The following NTN5 variants were observed in gnomAD, a reference collection of about 807,000 sequenced individuals.
The protein encoded by NTN5 is netrin 5.
A neutral mutation model predicts 38.7 loss-of-function variants in NTN5; 42 were observed. That is an observed-to-expected ratio of 1.08 (90% confidence interval 0.85 to 1.40). NTN5 has a LOEUF of 1.40. NTN5 is among the 40% of genes most tolerant of loss of function. The pLI is 0.00. For synonymous variants in NTN5, 329 were observed against 303.9 expected (o/e 1.08, Z -0.86); for missense variants, 658 against 716.5 (o/e 0.92, Z 0.93).
Position 48,664,204 on chromosome 19 carries a change from C to T in NTN5, c.909G>A (p.Leu303=). 6.2e-7 allele frequency: 1 copy of T among 1,610,998 alleles called. No homozygotes were observed. The highest frequency in any genetic ancestry group is 8.5e-7 in the Non-Finnish European group (1 of 1,178,740). ...AGCCAGGGCCACAGCGGTTGCAGGTCAGGCCTGTGACCCCTAACTTGCAGG... is the reference window on the plus strand; with the variant it reads ...AGCCAGGGCCACAGCGGTTGCAGGTTAGGCCTGTGACCCCTAACTTGCAGG... ...QCTCKLGVTG[L]TCNRCGPGYQ... is the part of the protein sequence containing the mutation. Residue 303 remains leucine, a synonymous_variant, in exon 4 of 7, where the codon CTG becomes CTA. Transcript: ENST00000270235.
chr19:48,663,147 G>A, intron 6 of NTN5: 1 of 501,644 alleles, frequency 2.0e-6, no homozygotes, highest in East Asian at 5.4e-5. Context: ...GGAGGACAGG[G>A]CAAGAGTTCA....
At chr19:48,667,563 T>G (rs943178158) in intron 2 of NTN5, 13 of 169,834 alleles carry the variant, frequency 7.7e-5, no homozygotes, top group Non-Finnish European at 1.6e-4. Context: ...TATGAAGAAA[T>G]AGAGGGGCAG....
intron 2 of NTN5, among the ~76,000 whole-genome samples, chr19:48,670,124 G>T (rs1314944512): frequency 6.6e-6 from 1 of 151,080 alleles, no homozygotes; most frequent in African/African-American, 2.4e-5. Context: ...ATCATCACAG[G>T]CTGATGAGTG....
intron 2 of NTN5, among the ~76,000 whole-genome samples, chr19:48,669,736 CCAT>C (rs1601212982): frequency 4.8e-5 from 6 of 123,776 alleles, no homozygotes; most frequent in South Asian, 5.8e-4. Context: ...ACCACCATCA[CCAT>C]CACCACCACC....
intron 2 of NTN5, among the ~76,000 whole-genome samples, chr19:48,666,052 G>A (rs1394141540): frequency 1.3e-5 from 2 of 152,224 alleles, no homozygotes; most frequent in Admixed American, 6.5e-5. Context: ...GCATTCGTAC[G>A]TGCAGGACAC....
In NTN5 at chr19:48,661,592, T is replaced by G; in HGVS notation, c.*85A>C. On this transcript the variant is annotated 3_prime_UTR_variant, in exon 7 of 7. Coordinates refer to ENST00000270235, the MANE Select transcript of NTN5 (RefSeq NM_145807.4). The stretch of plus-strand genomic sequence containing the variant: ...GCTCTGCGACGTCTGATTGGCTCTC[T>G]GCAGTGCACCGTCGAGGTAGAAGGC... 2 of 1,361,800 alleles carry G rather than the reference T, an allele frequency of 1.5e-6. No individual in the cohort carries two copies. The highest frequency in any genetic ancestry group is 1.9e-6 in the Non-Finnish European group (2 of 1,050,700). The allele number at this position is 1,361,800 out of a possible 1,614,324, so 84.4% of individuals were successfully genotyped here. A position where few individuals can be genotyped will look rare whatever the true frequency, so the allele number is the denominator to read the frequency against.
chr19:48,672,306 A>G lies in NTN5; in HGVS notation c.-21+626T>C, dbSNP rs540657761. On this transcript the variant is annotated intron_variant, in intron 1 of 6. Coordinates refer to ENST00000270235, the MANE Select transcript of NTN5 (RefSeq NM_145807.4). Reference sequence around the variant, plus strand: ...TGAAATGCCCCCACTTTCCCCTTCCAGGGCCAGCAGCCTCTGGTGAGGAGC... The same window carrying G: ...TGAAATGCCCCCACTTTCCCCTTCCGGGGCCAGCAGCCTCTGGTGAGGAGC... 1.8e-3 allele frequency among the ~76,000 whole-genome samples: 267 copies of G among 152,274 alleles called. 1 individual carries two copies. The highest frequency in any genetic ancestry group is 3.2e-3 in the Non-Finnish European group (215 of 67,988).
intron 6 of NTN5, chr19:48,663,024 G>A (rs765631614): frequency 2.5e-5 from 9 of 357,234 alleles, no homozygotes; most frequent in Non-Finnish European, 4.4e-5. Flanking sequence ...CAAGGTCATG[G>A]AGCAGGTGTG....
Position 48,670,799 on chromosome 19 carries a change from C to T in NTN5, c.188G>A (p.Gly63Asp), listed in dbSNP as rs768684280. 5 of 1,613,128 alleles carry T rather than the reference C, an allele frequency of 3.1e-6. No homozygotes were observed. The Admixed American group carries it at 8.3e-5, about 27-fold the overall frequency. ...NHLGARETCN[G>D]SLTLALGGPF... is the part of the protein sequence containing the mutation. ...GCCACCCAGGGCCAAAGTCAGGCTG[C>T]CATTGCAGGTTTCCCTGGCGCCAAG... Residue 63 changes from glycine (G) to aspartate (D), a missense_variant, in exon 2 of 7, where the codon GGC (glycine) becomes GAC (aspartate). Gly to Asp is a moderately conservative substitution (Grantham distance 94). Coordinates refer to ENST00000270235, the MANE Select transcript of NTN5 (RefSeq NM_145807.4).
rs917532428 is a variant in NTN5, at chr19:48,670,401, A to C, written c.586T>G (p.Trp196Gly). 1.4e-6 allele frequency: 2 copies of C among 1,425,846 alleles called. No homozygotes were observed. The highest frequency in any genetic ancestry group is 3.2e-5 in the Admixed American group (1 of 31,550). 88.3% of individuals were successfully genotyped at this position (1,425,846 alleles called of 1,614,324 possible). Residue 196 changes from tryptophan to glycine, a missense_variant, in exon 2 of 7, where the codon TGG (tryptophan) becomes GGG (glycine). Coordinates refer to ENST00000270235, the MANE Select transcript of NTN5 (RefSeq NM_145807.4). The part of the protein sequence containing the change: ...CESCRPSHRD[W>G]PWRPATPRHP... ...CGGGGCGTGGCAGGCCGCCAGGGCCAGTCTCGATGGGACGGGCGGCAGCTC... is the reference window on the plus strand; with the variant it reads ...CGGGGCGTGGCAGGCCGCCAGGGCCCGTCTCGATGGGACGGGCGGCAGCTC...
chr19:48,666,319 T>G (rs2031702929), intron 2 of NTN5, among the ~76,000 whole-genome samples: 1 of 152,178 alleles, frequency 6.6e-6, no homozygotes, highest in East Asian at 1.9e-4. Context: ...TTAAGGTGGC[T>G]CTCAAACCTT....
chr19:48,669,960 CCAT>C (rs71179031), intron 2 of NTN5, among the ~76,000 whole-genome samples: 7 of 114,728 alleles, frequency 6.1e-5, no homozygotes, highest in East Asian at 4.0e-4. Context: ...ACCACCATCA[CCAT>C]CACCACCATC....
At chr19:48,663,857 C>T in intron 4 of NTN5, 43 bp from the exon 5 acceptor site, 4 of 1,590,988 alleles carry the variant, frequency 2.5e-6, no homozygotes, top group Non-Finnish European at 3.5e-6. Flanking sequence ...TCATTTCCCC[C>T]AGGATCCCCT....
intron 1 of NTN5, among the ~76,000 whole-genome samples, chr19:48,672,236 A>G (rs1247870584): frequency 6.6e-6 from 1 of 152,140 alleles, no homozygotes; most frequent in East Asian, 1.9e-4. Context: ...GTGGGGGCAG[A>G]AGCCCAGACC....
intron 2 of NTN5, among the ~76,000 whole-genome samples, chr19:48,669,571 CACCATCACCACCACG>C (rs2031847281): frequency 4.1e-5 from 1 of 24,328 alleles, no homozygotes; most frequent in African/African-American, 2.7e-4. Flanking sequence ...CCACCATCAC[CACCATCACCACCACG>C]ACCACCATCA....
intron 6 of NTN5, chr19:48,663,066 T>A: frequency 2.6e-6 from 1 of 386,260 alleles, no homozygotes; most frequent in Non-Finnish European, 5.2e-6. Context: ...GGGACAAGTC[T>A]TTATGGGAAG....
At chr19:48,669,036 A>G (rs2031782261) in intron 2 of NTN5, among the ~76,000 whole-genome samples, 1 of 141,902 alleles carries the variant, frequency 7.0e-6, no homozygotes, top group South Asian at 2.3e-4. Flanking sequence ...CACTATCACT[A>G]TCATCACCAC....
chr19:48,668,886 G>C (rs1465474509), intron 2 of NTN5, among the ~76,000 whole-genome samples: 1 of 151,792 alleles, frequency 6.6e-6, no homozygotes, highest in African/African-American at 2.4e-5. Context: ...CCAAGTACCT[G>C]CATCCAGCCA....
At chr19:48,662,692 T>G (rs1245468462) in intron 6 of NTN5, 2 of 153,298 alleles carry the variant, frequency 1.3e-5, no homozygotes, top group African/African-American at 4.8e-5. Flanking sequence ...TGACCTCAAG[T>G]GATCCGCCCA....
Sources: gnomAD v4.1 joint callset for allele counts (sites outside exome capture counted in the v4.1 genomes callset) on GRCh38, gnomAD v4.1.1 for gene constraint, MANE v1.5 for transcripts, NCBI Gene and HGNC (gene_info 2026-07-23, HGNC 2026-07-21) for gene names.